NDFIP2: variants seen among roughly 807,000 people sequenced by gnomAD.
The protein encoded by NDFIP2 is NEDD4 family-interacting protein 2.
A neutral mutation model predicts 36.0 loss-of-function variants in NDFIP2; 19 were observed. That is an observed-to-expected ratio of 0.53 (90% CI 0.37 to 0.77). NDFIP2 has a LOEUF of 0.77. Among genes scored for constraint, NDFIP2 ranks in the 30% least tolerant of loss-of-function variants. The pLI is 0.00. For missense variants in NDFIP2, 446 were observed against 435.8 expected (o/e 1.02, Z -0.21); for synonymous variants, 181 against 167.7 (o/e 1.08, Z -0.61).
intron 1 of NDFIP2, among the ~76,000 whole-genome samples, chr13:79,498,414 C>G (rs1873531421): frequency 6.6e-6 from 1 of 151,826 alleles, no homozygotes; most frequent in Non-Finnish European, 1.5e-5. Flanking sequence ...ATGAACTTTT[C>G]AAAACAGAAA....
intron 2 of NDFIP2, among the ~76,000 whole-genome samples, chr13:79,522,093 G>T (rs755614824): frequency 2.2e-4 from 33 of 152,114 alleles, no homozygotes; most frequent in Non-Finnish European, 4.6e-4. Flanking sequence ...CTCCCAAAGT[G>T]CTGGGATTAC....
rs948242539 is a variant in NDFIP2 at position 79,501,136 on chromosome 13, C to T, written c.321+19612C>T. ...AAACAAAACTAAGGAGACAGTAAAA[C>T]GATCAGTGGTTGCCAGGTGTTAGTG... On this transcript the variant is annotated intron_variant, in intron 1 of 7. Transcript: ENST00000218652. Among the ~76,000 whole-genome samples, 11 of 152,040 alleles carry T rather than the reference C, an allele frequency of 7.2e-5. 1 individual carries two copies. The highest frequency in any genetic ancestry group is 4.1e-4 in the South Asian group (2 of 4,822).
intron 1 of NDFIP2, among the ~76,000 whole-genome samples, chr13:79,516,480 C>T (rs73234690): frequency 0.098 from 14,873 of 152,084 alleles, 918 homozygotes; most frequent in Middle Eastern, 0.26. Context: ...ATCTTGGCCT[C>T]CCAAAGGGAT....
intron 5 of NDFIP2, 111 bp downstream of exon 5, chr13:79,543,793 G>T: frequency 2.2e-6 from 3 of 1,353,026 alleles, no homozygotes; most frequent in Non-Finnish European, 3.0e-6. Flanking sequence ...TTATTTCAAG[G>T]CTTATTCTTA....
chr13:79,485,403 C>G (rs1872929872), intron 1 of NDFIP2, among the ~76,000 whole-genome samples: 1 of 152,120 alleles, frequency 6.6e-6, no homozygotes, highest in African/African-American at 2.4e-5. Flanking sequence ...GACATTCAGG[C>G]CCATGGCTGA....
At chr13:79,520,670 A>AT in intron 1 of NDFIP2, 140 bp from the exon 2 acceptor site, 2 of 678,332 alleles carry the variant, frequency 2.9e-6, no homozygotes, top group East Asian at 3.0e-5. Context: ...TACTAGTGTG[A>AT]TTTTGTATAC....
chr13:79,495,030 G>A (rs1224219907), intron 1 of NDFIP2, among the ~76,000 whole-genome samples: 1 of 151,542 alleles, frequency 6.6e-6, no homozygotes, highest in African/African-American at 2.4e-5. Flanking sequence ...TTCTCTTTCT[G>A]TTATGGTTTA....
At chr13:79,547,529 A>G (rs1464030221) in intron 5 of NDFIP2, among the ~76,000 whole-genome samples, 2 of 152,186 alleles carry the variant, frequency 1.3e-5, no homozygotes, top group Non-Finnish European at 2.9e-5. Context: ...GAAGTAACTG[A>G]AGAAAATTAG....
At chr13:79,545,176 A>G (rs754013095) in intron 5 of NDFIP2, among the ~76,000 whole-genome samples, 1 of 152,208 alleles carries the variant, frequency 6.6e-6, no homozygotes, top group South Asian at 2.1e-4. Flanking sequence ...TCTAAATCAC[A>G]GAACATAGAA....
chr13:79,493,034 A>G (rs1873304210), intron 1 of NDFIP2, among the ~76,000 whole-genome samples: 1 of 152,008 alleles, frequency 6.6e-6, no homozygotes, highest in Non-Finnish European at 1.5e-5. Flanking sequence ...GTGTTCTTTT[A>G]ACTGTGTGCA....
chr13:79,517,011 A>G (rs925951303), intron 1 of NDFIP2, among the ~76,000 whole-genome samples: 9 of 152,298 alleles, frequency 5.9e-5, no homozygotes, highest in Middle Eastern at 3.4e-3. Context: ...GTTAATCATA[A>G]TGCTTACAGT....
intron 6 of NDFIP2, among the ~76,000 whole-genome samples, chr13:79,548,750 A>C (rs1264692765): frequency 6.6e-6 from 1 of 151,974 alleles, no homozygotes; most frequent in East Asian, 1.9e-4. Flanking sequence ...TGGTTGTTCT[A>C]TCTGTTCTCT....
intron 2 of NDFIP2, among the ~76,000 whole-genome samples, chr13:79,528,944 G>A (rs1342425860): frequency 6.6e-6 from 1 of 152,134 alleles, no homozygotes; most frequent in Non-Finnish European, 1.5e-5. Flanking sequence ...GCTAGATTTT[G>A]CAGAGATTAT....
intron 3 of NDFIP2, among the ~76,000 whole-genome samples, chr13:79,536,596 T>C (rs1298404160): frequency 2.6e-5 from 4 of 152,218 alleles, no homozygotes; most frequent in African/African-American, 9.6e-5. Context: ...AAACATCTTA[T>C]ATAAATATTT....
At chr13:79,506,766 A>T (rs1873883637) in intron 1 of NDFIP2, among the ~76,000 whole-genome samples, 3 of 152,146 alleles carry the variant, frequency 2.0e-5, no homozygotes, top group Admixed American at 2.0e-4. Context: ...TTACATATAG[A>T]CAGACAGGAA....
At chr13:79,522,988 C>G (rs1299678413) in intron 2 of NDFIP2, among the ~76,000 whole-genome samples, 1 of 152,062 alleles carries the variant, frequency 6.6e-6, no homozygotes, top group African/African-American at 2.4e-5. Flanking sequence ...GCATACTTAC[C>G]CTTCCCCGTA....
intron 1 of NDFIP2, among the ~76,000 whole-genome samples, chr13:79,484,154 T>C (rs1244238436): frequency 6.6e-6 from 1 of 152,078 alleles, no homozygotes; most frequent in Non-Finnish European, 1.5e-5. Flanking sequence ...TCACTGGGAC[T>C]ACAAGTGTGG....
At chr13:79,544,678 T>G (rs1426260459) in intron 5 of NDFIP2, among the ~76,000 whole-genome samples, 1 of 152,122 alleles carries the variant, frequency 6.6e-6, no homozygotes, top group East Asian at 1.9e-4. Context: ...CTCCTAAAAT[T>G]TTTAGTAGAA....
chr13:79,492,061 C>T (rs1484460871), intron 1 of NDFIP2, among the ~76,000 whole-genome samples: 2 of 152,090 alleles, frequency 1.3e-5, no homozygotes, highest in Non-Finnish European at 2.9e-5. Context: ...GATGTTTCTC[C>T]AGAATTACTC....
Sources: gnomAD v4.1 joint callset for allele counts (sites outside exome capture counted in the v4.1 genomes callset) on GRCh38, gnomAD v4.1.1 for gene constraint, MANE v1.5 for transcripts, NCBI Gene and HGNC (gene_info 2026-07-23, HGNC 2026-07-21) for gene names.